Variants in FAM135B observed in about 807,000 individuals in gnomAD.
FAM135B encodes the protein protein FAM135B.
Under a neutral mutation model 127.7 loss-of-function variants are expected in FAM135B, and 43 were observed. The ratio of observed to expected loss-of-function variants is 0.34; its 90% CI spans 0.26 to 0.43. The LOEUF (loss-of-function observed/expected upper bound fraction) is 0.43, where lower values mean the gene tolerates loss of function less well. Among genes scored for constraint, FAM135B ranks in the 20% least tolerant of loss-of-function variants. The probability of loss-of-function intolerance (pLI) is 1.00; values close to 1 mark genes in which losing one functional copy is unlikely to be tolerated. For missense variants in FAM135B, 1,558 were observed against 1,725.6 expected (o/e 0.90, Z 1.72); for synonymous variants, 670 against 665.1 (o/e 1.01, Z -0.11).
chr8:138,201,945 G>C (rs1817158299), intron 7 of FAM135B, among the ~76,000 whole-genome samples: 1 of 151,938 alleles, frequency 6.6e-6, no homozygotes, highest in African/African-American at 2.4e-5. Context: ...TACCAACATG[G>C]AGAAACTCCC....
chr8:138,202,245 GT>G (rs5895501), intron 7 of FAM135B, among the ~76,000 whole-genome samples: 10 of 150,332 alleles, frequency 6.7e-5, no homozygotes, highest in South Asian at 6.3e-4. Flanking sequence ...CAAACAGTCT[GT>G]TTTTTTTTTT....
chr8:138,226,440 T>C (rs1304189270), intron 7 of FAM135B, among the ~76,000 whole-genome samples: 1 of 152,054 alleles, frequency 6.6e-6, no homozygotes, highest in African/African-American at 2.4e-5. Flanking sequence ...GGAATTCACG[T>C]TTAAACTGAT....
At chr8:138,455,405 G>A (rs1836719662) in intron 1 of FAM135B, among the ~76,000 whole-genome samples, 1 of 152,136 alleles carries the variant, frequency 6.6e-6, no homozygotes, top group African/African-American at 2.4e-5. Flanking sequence ...CATCTCTTAA[G>A]ATTCTAGCCA....
At chr8:138,226,494 T>C (rs1002263926) in intron 7 of FAM135B, among the ~76,000 whole-genome samples, 5 of 152,106 alleles carry the variant, frequency 3.3e-5, no homozygotes, top group Admixed American at 3.3e-4. Flanking sequence ...GTCCAGGAAG[T>C]GTGTGCAGCA....
At chr8:138,456,569 G>A (rs1017611139) in intron 1 of FAM135B, among the ~76,000 whole-genome samples, 2 of 152,156 alleles carry the variant, frequency 1.3e-5, no homozygotes, top group Admixed American at 6.5e-5. Flanking sequence ...CATGAGGCTC[G>A]TGGGTGGTGG....
chr8:138,386,009 T>C (rs2131305293), intron 1 of FAM135B, among the ~76,000 whole-genome samples: 1 of 151,802 alleles, frequency 6.6e-6, no homozygotes, highest in East Asian at 1.9e-4. Flanking sequence ...TCACCTGAGG[T>C]CAAGAGTTCG....
At chr8:138,235,788 C>T (rs1194800799) in intron 7 of FAM135B, among the ~76,000 whole-genome samples, 1 of 152,176 alleles carries the variant, frequency 6.6e-6, no homozygotes, top group African/African-American at 2.4e-5. Context: ...ATTACCCACT[C>T]TGAGGAAGAT....
intron 4 of FAM135B, among the ~76,000 whole-genome samples, chr8:138,257,304 G>C (rs1822168792): frequency 6.6e-6 from 1 of 152,136 alleles, no homozygotes. Context: ...TAAGAAAGCA[G>C]CTTCTTCATT....
intron 7 of FAM135B, among the ~76,000 whole-genome samples, chr8:138,211,507 T>G (rs1818140011): frequency 6.6e-6 from 1 of 152,222 alleles, no homozygotes; most frequent in East Asian, 1.9e-4. Context: ...CAAATGTCAT[T>G]GCATGGTTTT....
At chr8:138,288,493 G>T (rs982260021) in intron 3 of FAM135B, among the ~76,000 whole-genome samples, 1 of 152,120 alleles carries the variant, frequency 6.6e-6, no homozygotes, top group African/African-American at 2.4e-5. Context: ...AAAGGAAGGT[G>T]GGGGAGACAG....
intron 11 of FAM135B, among the ~76,000 whole-genome samples, chr8:138,172,022 G>C (rs1272845596): frequency 6.6e-6 from 1 of 152,190 alleles, no homozygotes; most frequent in Non-Finnish European, 1.5e-5. Flanking sequence ...ATGCACAAGT[G>C]CATGTTTACG....
intron 2 of FAM135B, among the ~76,000 whole-genome samples, chr8:138,322,931 T>C (rs1827549299): frequency 6.6e-6 from 1 of 152,170 alleles, no homozygotes; most frequent in East Asian, 1.9e-4. Flanking sequence ...TTCCAAAAGA[T>C]AAGAAACAAA....
At chr8:138,295,102 C>CTTTTTTTTTTTTTTTTTT (rs527258472) in intron 3 of FAM135B, among the ~76,000 whole-genome samples, 1 of 82,196 alleles carries the variant, frequency 1.2e-5, no homozygotes, top group African/African-American at 5.0e-5. Flanking sequence ...CTTGCTGGTG[C>CTTTTTTTTTTTTTTTTTT]TTTTTTTTTT....
intron 1 of FAM135B, among the ~76,000 whole-genome samples, chr8:138,411,978 C>A (rs1833896394): frequency 6.6e-6 from 1 of 152,120 alleles, no homozygotes; most frequent in Non-Finnish European, 1.5e-5. Context: ...AAACCAAATA[C>A]CGTATGTTCT....
At chr8:138,258,822 CACACACACACACA>C (rs748069896) in intron 4 of FAM135B, among the ~76,000 whole-genome samples, 1 of 148,296 alleles carries the variant, frequency 6.7e-6, no homozygotes, top group Admixed American at 6.8e-5. Flanking sequence ...CACACACACA[CACACACACACACA>C]CCATACACAC....
At chr8:138,360,322 T>C (rs1263415669) in intron 2 of FAM135B, among the ~76,000 whole-genome samples, 1 of 152,214 alleles carries the variant, frequency 6.6e-6, no homozygotes, top group East Asian at 1.9e-4. Flanking sequence ...AACAAATATC[T>C]ATGTAATGAG....
intron 1 of FAM135B, among the ~76,000 whole-genome samples, chr8:138,449,222 CA>C: frequency 6.6e-6 from 1 of 152,252 alleles, no homozygotes; most frequent in African/African-American, 2.4e-5. Context: ...TAATTCATTA[CA>C]ACTGTATTAA....
chr8:138,178,836 C>T (rs1171573752), intron 9 of FAM135B, 146 bp from the exon 10 acceptor site: 2 of 643,928 alleles, frequency 3.1e-6, no homozygotes, highest in Admixed American at 3.0e-5. Flanking sequence ...TATTACAACT[C>T]ATAGTACTAT....
Position 138,243,695 on chromosome 8 carries a change from A to G in FAM135B, c.543-627T>C, listed in dbSNP as rs1341195284. Among the ~76,000 whole-genome samples, 1 of 152,236 alleles carries G rather than the reference A, an allele frequency of 6.6e-6. No homozygotes were observed. The highest frequency in any genetic ancestry group is 1.9e-4 in the East Asian group (1 of 5,198). On this transcript the variant is annotated intron_variant, in intron 6 of 19. Transcript: ENST00000395297. The surrounding 1 kb of genome is among the most constrained non-coding windows in gnomAD (Gnocchi z 7.5). ...TATTGTGATGGCAATGATCAATTTC[A>G]GGATCAAAGGAGATTAGGAAAAGAT...
Sources: allele counts gnomAD v4.1 joint callset (sites outside exome capture counted in the v4.1 genomes callset), GRCh38; gene constraint gnomAD v4.1.1; non-coding constraint Gnocchi (gnomAD v3.1); transcripts MANE v1.5; gene names NCBI Gene and HGNC (gene_info 2026-07-23, HGNC 2026-07-21).